The following PPFIA1 variants were observed in gnomAD, a reference collection of about 807,000 sequenced individuals.
PPFIA1 encodes the protein PPFI scaffold protein A1.
PPFIA1 carries 25 observed loss-of-function variants against 149.9 expected under a neutral mutation model. The observed-to-expected ratio is 0.17, with a 90% confidence interval of 0.12 to 0.23. The LOEUF (loss-of-function observed/expected upper bound fraction) is 0.23, where lower values mean the gene tolerates loss of function less well. Among genes scored for constraint, PPFIA1 ranks in the 10% least tolerant of loss-of-function variants. The pLI is 1.00. For synonymous variants in PPFIA1, 549 were observed against 552.8 expected, an observed-to-expected ratio of 0.99 and a Z score of 0.10; for missense variants, 1,362 against 1,506.5, an observed-to-expected ratio of 0.90 and a Z score of 1.59.
intron 2 of PPFIA1, among the ~76,000 whole-genome samples, chr11:70,293,608 CG>C (rs1214977567): frequency 2.6e-5 from 4 of 152,184 alleles, no homozygotes; most frequent in Non-Finnish European, 5.9e-5. Context: ...GAGCCAGTGG[CG>C]TCTTCTGGTC....
chr11:70,277,957 C>T (rs2136042160), intron 2 of PPFIA1, among the ~76,000 whole-genome samples: 1 of 152,200 alleles, frequency 6.6e-6, no homozygotes, highest in Admixed American at 6.5e-5. Context: ...TGTCGCCGGT[C>T]TGGAGTGCAG....
At chr11:70,271,603 G>C (rs1414523697) in intron 1 of PPFIA1, among the ~76,000 whole-genome samples, 1 of 151,914 alleles carries the variant, frequency 6.6e-6, no homozygotes, top group Non-Finnish European at 1.5e-5. Context: ...AGCGTTTAAC[G>C]AATCCGGTTC....
chr11:70,312,967 G>A (rs1436035757), intron 2 of PPFIA1, among the ~76,000 whole-genome samples: 1 of 152,208 alleles, frequency 6.6e-6, no homozygotes, highest in East Asian at 1.9e-4. Context: ...GCCTCTGCAG[G>A]AAATGGCCTC....
intron 2 of PPFIA1, among the ~76,000 whole-genome samples, chr11:70,296,489 G>A (rs559296439): frequency 2.6e-5 from 4 of 152,106 alleles, no homozygotes; most frequent in Non-Finnish European, 4.4e-5. Context: ...AGGCCAGCCC[G>A]GCCAACACAG....
chr11:70,317,255 A>AT (rs970609592), intron 2 of PPFIA1, among the ~76,000 whole-genome samples: 18 of 151,042 alleles, frequency 1.2e-4, no homozygotes, highest in Admixed American at 7.9e-4. Context: ...GGTTCCTACT[A>AT]TTTTTTTTTC....
rs1196228695 is a variant in PPFIA1 at position 70,362,505 on chromosome 11, C to T, written c.2865+17C>T. On this transcript the variant is annotated intron_variant, in intron 21 of 27. Coordinates refer to ENST00000253925, the MANE Select transcript of PPFIA1 (RefSeq NM_003626.5). ...TCTAGAACGGTACGTTCAGAGACAA[C>T]CCCTGCATTCTTTGGAAACAGGGAA... 1.3e-6 allele frequency: 2 copies of T among 1,557,534 alleles called. No individual in the cohort carries two copies. The highest frequency in any genetic ancestry group is 1.9e-5 in the Admixed American group (1 of 52,176).
intron 21 of PPFIA1, among the ~76,000 whole-genome samples, chr11:70,366,663 C>A (rs190116898): frequency 3.6e-4 from 55 of 152,302 alleles, no homozygotes; most frequent in African/African-American, 1.3e-3. Flanking sequence ...ACAGGCAGTT[C>A]TAGAGGCTTT....
chr11:70,382,226 T>C, intron 27 of PPFIA1, 68 bp downstream of exon 27: 1 of 1,263,580 alleles, frequency 7.9e-7, no homozygotes, highest in South Asian at 1.3e-5. Flanking sequence ...GGAGCTGCAG[T>C]GCCAGACTAG....
At chr11:70,304,041 G>A (rs2052680577) in intron 2 of PPFIA1, among the ~76,000 whole-genome samples, 1 of 152,072 alleles carries the variant, frequency 6.6e-6, no homozygotes, top group African/African-American at 2.4e-5. Context: ...AAAAAGGAGT[G>A]GTCACTGGAA....
intron 2 of PPFIA1, among the ~76,000 whole-genome samples, chr11:70,309,444 C>T (rs2053111286): frequency 6.6e-6 from 1 of 152,090 alleles, no homozygotes; most frequent in Non-Finnish European, 1.5e-5. Flanking sequence ...GCTGGGTTTA[C>T]AGGCATGAGC....
At chr11:70,292,237 G>A (rs1016276291) in intron 2 of PPFIA1, among the ~76,000 whole-genome samples, 21 of 152,210 alleles carry the variant, frequency 1.4e-4, no homozygotes, top group African/African-American at 5.1e-4. Context: ...CCCTGCCTAG[G>A]CCTCCCAAAG....
chr11:70,324,179 C>G (rs1490563353), intron 2 of PPFIA1, among the ~76,000 whole-genome samples: 1 of 152,174 alleles, frequency 6.6e-6, no homozygotes, highest in Non-Finnish European at 1.5e-5. Flanking sequence ...TGTCCTTGTC[C>G]CAGGGTGCAG....
intron 19 of PPFIA1, among the ~76,000 whole-genome samples, chr11:70,361,481 G>A (rs2056642048): frequency 6.6e-6 from 1 of 152,144 alleles, no homozygotes; most frequent in African/African-American, 2.4e-5. Flanking sequence ...TTGGTTGACT[G>A]TGTGGATGTG....
chr11:70,329,890 A>G (rs1248205304), intron 7 of PPFIA1: 1 of 317,320 alleles, frequency 3.2e-6, no homozygotes, highest in African/African-American at 2.2e-5. Context: ...ATTGCACCAC[A>G]GCATTCCATC....
chr11:70,372,359 G>C lies in PPFIA1; in HGVS notation c.3010G>C (p.Gly1004Arg). 6.2e-7 allele frequency: 1 copy of C among 1,614,174 alleles called. No individual in the cohort carries two copies. The highest frequency in any genetic ancestry group is 1.1e-5 in the South Asian group (1 of 91,082). ...CCACTTGACCAAGAAAGACCTTCGA[G>C]GGCAGCTGAAAATGGTCGACAGTTT... ...LDHLTKKDLR[G>R]QLKMVDSFHR... Residue 1004 changes from glycine (G) to arginine (R), a missense_variant, in exon 22 of 28, where the codon GGG becomes CGG. Coordinates refer to ENST00000253925, the MANE Select transcript of PPFIA1 (RefSeq NM_003626.5).
chr11:70,333,319 G>C (rs1483393512), intron 9 of PPFIA1, 151 bp from the exon 10 acceptor site: 2 of 679,736 alleles, frequency 2.9e-6, no homozygotes, highest in African/African-American at 3.5e-5. Context: ...AAGCCCCGTA[G>C]GCTGTGTTGA....
chr11:70,349,876 C>G (rs1394345754), intron 16 of PPFIA1: 1 of 454,894 alleles, frequency 2.2e-6, no homozygotes, highest in Admixed American at 2.4e-5. Flanking sequence ...TCTATGCTTC[C>G]GTCATTGGTT....
At chr11:70,286,674 C>T (rs11235739) in intron 2 of PPFIA1, among the ~76,000 whole-genome samples, 34,232 of 151,892 alleles carry the variant, frequency 0.23, 5,976 homozygotes, top group African/African-American at 0.49. Context: ...TTGTCTTCAC[C>T]GGGTTGACTC....
chr11:70,332,781 G>A (rs758795732), intron 9 of PPFIA1, among the ~76,000 whole-genome samples: 1 of 152,198 alleles, frequency 6.6e-6, no homozygotes, highest in Non-Finnish European at 1.5e-5. Context: ...CCAGGCAGGC[G>A]AGCAGCAGGA....
Sources: gnomAD v4.1 joint callset for allele counts (sites outside exome capture counted in the v4.1 genomes callset) on GRCh38, gnomAD v4.1.1 for gene constraint, MANE v1.5 for transcripts, NCBI Gene and HGNC (gene_info 2026-07-23, HGNC 2026-07-21) for gene names.